Variants in HSD17B2 observed in about 807,000 individuals in gnomAD.
The protein encoded by HSD17B2 is hydroxysteroid 17-beta dehydrogenase 2, also known as 17-beta-hydroxysteroid dehydrogenase type 2.
HSD17B2 carries 32 observed loss-of-function variants against 26.9 expected under a neutral mutation model. That is an observed-to-expected ratio of 1.19 (90% confidence interval 0.90 to 1.60). HSD17B2 has a LOEUF of 1.60. HSD17B2 is among the 40% of genes most tolerant of loss of function. HSD17B2 has a pLI of 0.00. For missense variants in HSD17B2, 613 were observed against 468.6 expected (o/e 1.31, Z -2.85); for synonymous variants, 246 against 186.7 (o/e 1.32, Z -2.59).
At chr16:82,041,638 C>T (rs570970856) in intron 1 of HSD17B2, among the ~76,000 whole-genome samples, 1 of 152,358 alleles carries the variant, frequency 6.6e-6, no homozygotes, top group South Asian at 2.1e-4. Flanking sequence ...GCACTGCCGA[C>T]CATACTTTCT....
At chr16:82,052,747 G>A (rs1914145054) in intron 1 of HSD17B2, among the ~76,000 whole-genome samples, 1 of 152,186 alleles carries the variant, frequency 6.6e-6, no homozygotes. Flanking sequence ...GTCTACTGAA[G>A]ATCACATGTA....
intron 3 of HSD17B2, among the ~76,000 whole-genome samples, chr16:82,072,999 T>A (rs1308852374): frequency 6.6e-6 from 1 of 152,136 alleles, no homozygotes; most frequent in Non-Finnish European, 1.5e-5. Flanking sequence ...AGGTTAAGAC[T>A]GCAGTAAGCT....
chr16:82,054,170 C>A (rs1399265756), intron 1 of HSD17B2, among the ~76,000 whole-genome samples: 1 of 150,968 alleles, frequency 6.6e-6, no homozygotes, highest in Non-Finnish European at 1.5e-5. Context: ...CATGTAAGAG[C>A]CCTTTCTCCT....
intron 3 of HSD17B2, among the ~76,000 whole-genome samples, chr16:82,080,367 A>C (rs984094228): frequency 9.2e-5 from 14 of 152,168 alleles, no homozygotes; most frequent in African/African-American, 3.4e-4. Context: ...ATGCAATCAC[A>C]AGGGTCCTTA....
chr16:82,043,288 G>A (rs1464241242), intron 1 of HSD17B2, among the ~76,000 whole-genome samples: 1 of 152,182 alleles, frequency 6.6e-6, no homozygotes, highest in East Asian at 1.9e-4. Context: ...CATGCAAGGG[G>A]TCTCCCCTGG....
intron 3 of HSD17B2, among the ~76,000 whole-genome samples, chr16:82,078,092 C>A (rs1172783048): frequency 6.6e-6 from 1 of 152,138 alleles, no homozygotes; most frequent in Non-Finnish European, 1.5e-5. Context: ...AGTGAAGAGA[C>A]AACCCACAGA....
rs1258531577 is a variant in HSD17B2 at position 82,066,926 on chromosome 16, G to A, written c.266-1244G>A. On this transcript the variant is annotated intron_variant, in intron 1 of 4. Coordinates refer to ENST00000199936, the MANE Select transcript of HSD17B2 (RefSeq NM_002153.3). ...TAATTCCTTCTTTTGCTTTTATACAGTGTTGTAAAGAACATCATTTATGTG... is the reference window on the plus strand; with the variant it reads ...TAATTCCTTCTTTTGCTTTTATACAATGTTGTAAAGAACATCATTTATGTG... Among the ~76,000 whole-genome samples, 5 of 152,062 alleles carry A rather than the reference G, an allele frequency of 3.3e-5. No homozygotes were observed. In the East Asian group the frequency reaches 9.6e-4, roughly 29 times the overall value.
intron 1 of HSD17B2, among the ~76,000 whole-genome samples, chr16:82,050,445 C>T (rs1002091403): frequency 2.0e-5 from 3 of 152,118 alleles, no homozygotes; most frequent in African/African-American, 7.2e-5. Context: ...GTCAAAGCTA[C>T]CGTCATTTGT....
chr16:82,046,373 C>G (rs1913928792), intron 1 of HSD17B2, among the ~76,000 whole-genome samples: 1 of 152,112 alleles, frequency 6.6e-6, no homozygotes, highest in Admixed American at 6.5e-5. Flanking sequence ...CTGTAAGGAG[C>G]ACTTTCCATG....
At chr16:82,046,642 T>A (rs568134151) in intron 1 of HSD17B2, among the ~76,000 whole-genome samples, 2 of 152,046 alleles carry the variant, frequency 1.3e-5, no homozygotes, top group East Asian at 3.9e-4. Flanking sequence ...GAGGATCGCT[T>A]GAACCTGGGA....
intron 3 of HSD17B2, among the ~76,000 whole-genome samples, chr16:82,086,487 A>G (rs1473041888): frequency 1.3e-5 from 2 of 152,192 alleles, no homozygotes; most frequent in Non-Finnish European, 2.9e-5. Context: ...TAAAATGACC[A>G]CCAGAATAAT....
chr16:82,091,116 C>G (rs1257692833), intron 4 of HSD17B2, 77 bp downstream of exon 4: 7 of 1,332,552 alleles, frequency 5.3e-6, no homozygotes, highest in Non-Finnish European at 7.6e-6. Flanking sequence ...TGACAGAGCA[C>G]ACATTGAACC....
intron 1 of HSD17B2, among the ~76,000 whole-genome samples, chr16:82,065,398 A>G (rs1914547314): frequency 6.6e-6 from 1 of 152,178 alleles, no homozygotes; most frequent in Admixed American, 6.5e-5. Context: ...ACTGCAGAAC[A>G]GTTTTCTTCT....
intron 3 of HSD17B2, among the ~76,000 whole-genome samples, chr16:82,078,558 T>C (rs1411250529): frequency 6.6e-6 from 1 of 152,212 alleles, no homozygotes; most frequent in Non-Finnish European, 1.5e-5. Flanking sequence ...CAAAGAGATA[T>C]CTGCAGTCCT....
At chr16:82,054,211 AAAAAAAAAAAAAG>A (rs1218094905) in intron 1 of HSD17B2, among the ~76,000 whole-genome samples, 2 of 150,614 alleles carry the variant, frequency 1.3e-5, no homozygotes, top group Non-Finnish European at 3.0e-5. Flanking sequence ...ACATATCGAA[AAAAAAAAAAAAAG>A]AAAAAAAAGA....
rs4445895 is a variant in HSD17B2 at position 82,035,292 on chromosome 16, T to C, written c.-133T>C. 0.62 allele frequency: 457,848 copies of C among 733,832 alleles called. 145,024 individuals carry two copies. The highest frequency in any genetic ancestry group is 0.69 in the African/African-American group (39,325 of 56,880). 45.5% of individuals were successfully genotyped at this position (733,832 alleles called of 1,614,324 possible). A position where few individuals can be genotyped will look rare whatever the true frequency, so the allele number is the denominator to read the frequency against. ...TGATTATGCTTAATCTATGCTCAGT[T>C]GAAAGGGGCTGGGGCTGCTTTCTCC... On this transcript the variant is annotated 5_prime_UTR_variant, in exon 1 of 5. An upstream open reading frame in the 5' UTR loses its in-frame stop. Coordinates refer to ENST00000199936, the MANE Select transcript of HSD17B2 (RefSeq NM_002153.3).
intron 1 of HSD17B2, among the ~76,000 whole-genome samples, chr16:82,042,652 G>T (rs1185159818): frequency 6.6e-6 from 1 of 151,624 alleles, no homozygotes; most frequent in Non-Finnish European, 1.5e-5. Flanking sequence ...AAGGAGTTTT[G>T]GTCTTGTTAC....
intron 3 of HSD17B2, among the ~76,000 whole-genome samples, chr16:82,080,692 C>T (rs900328502): frequency 6.6e-6 from 1 of 152,160 alleles, no homozygotes; most frequent in South Asian, 2.1e-4. Flanking sequence ...ATCACATGCA[C>T]CTAATTACCG....
In HSD17B2 at chr16:82,098,273, C is replaced by G; in HGVS notation, c.1001C>G (p.Pro334Arg). ...CAGCATGCTATCTTGGCGAAGAGCCCTTTTGCCTATTACACGCCAGGGAAA... is the reference window on the plus strand; with the variant it reads ...CAGCATGCTATCTTGGCGAAGAGCCGTTTTGCCTATTACACGCCAGGGAAA... Reference protein sequence around the residue: ...DIQHAILAKSPFAYYTPGKGA... With the variant: ...DIQHAILAKSRFAYYTPGKGA... Residue 334 changes from proline to arginine, a missense_variant, in exon 5 of 5, where the codon CCT (proline) becomes CGT (arginine). Transcript: ENST00000199936. The G allele has an allele frequency of 1.5e-5, 24 of 1,614,220 alleles. No homozygotes were observed. The highest frequency in any genetic ancestry group is 1.9e-5 in the Non-Finnish European group (23 of 1,180,024).
Sources: allele counts gnomAD v4.1 joint callset (sites outside exome capture counted in the v4.1 genomes callset), GRCh38; gene constraint gnomAD v4.1.1; transcripts MANE v1.5; gene names NCBI Gene and HGNC (gene_info 2026-07-23, HGNC 2026-07-21).